SLC16A7: variants seen among roughly 807,000 people sequenced by gnomAD.
SLC16A7 encodes the protein solute carrier family 16 member 7, also known as monocarboxylate transporter 2.
Under a neutral mutation model 34.9 loss-of-function variants are expected in SLC16A7, and 33 were observed. The ratio of observed to expected loss-of-function variants is 0.94; its 90% CI spans 0.72 to 1.26. The LOEUF (loss-of-function observed/expected upper bound fraction) is 1.26, where lower values mean the gene tolerates loss of function less well. Ranked by LOEUF, SLC16A7 falls within the 50% of genes most tolerant of loss-of-function variation. The pLI is 0.00. For synonymous variants in SLC16A7, 201 were observed against 206.6 expected (o/e 0.97, Z 0.23); for missense variants, 573 against 578.1 (o/e 0.99, Z 0.09).
At chr12:59,640,299 C>T (rs1037156180) in intron 1 of SLC16A7, among the ~76,000 whole-genome samples, 1 of 152,050 alleles carries the variant, frequency 6.6e-6, no homozygotes, top group Non-Finnish European at 1.5e-5. Flanking sequence ...GCAATTTACT[C>T]TAATGTTTTT....
chr12:59,778,136 G>T (rs1882944939), intron 5 of SLC16A7, among the ~76,000 whole-genome samples: 2 of 152,214 alleles, frequency 1.3e-5, no homozygotes, highest in South Asian at 4.1e-4. Flanking sequence ...TAGAAAGTAT[G>T]CTGATGTGGC....
chr12:59,605,946 A>G (rs1878918489), intron 1 of SLC16A7, among the ~76,000 whole-genome samples: 1 of 152,226 alleles, frequency 6.6e-6, no homozygotes, highest in Non-Finnish European at 1.5e-5. Flanking sequence ...TTTGGAAATA[A>G]TAAAATTTAT....
chr12:59,601,976 A>G lies in SLC16A7; in HGVS notation c.-130+5740A>G, dbSNP rs370350804. 2.3e-3 allele frequency among the ~76,000 whole-genome samples: 355 copies of G among 152,310 alleles called. 4 individuals carry two copies. The highest frequency in any genetic ancestry group is 8.0e-3 in the African/African-American group (332 of 41,560). ...TAACAATGATCTATCTCTGTTTTCT[A>G]TAAGTCAGTGGCTTTCCCTTAGTCA... On this transcript the variant is annotated intron_variant, in intron 1 of 5. Coordinates refer to ENST00000547379, the MANE Select transcript of SLC16A7 (RefSeq NM_001270623.2).
At chr12:59,623,286 C>A (rs2136983610) in intron 1 of SLC16A7, among the ~76,000 whole-genome samples, 1 of 151,584 alleles carries the variant, frequency 6.6e-6, no homozygotes, top group East Asian at 1.9e-4. Flanking sequence ...GCCATTTGAT[C>A]TTTCATATAA....
chr12:59,684,516 G>A (rs1417125783), intron 2 of SLC16A7, among the ~76,000 whole-genome samples: 2 of 152,160 alleles, frequency 1.3e-5, no homozygotes, highest in Non-Finnish European at 2.9e-5. Context: ...TGGAGTGAAT[G>A]GGGTTGGTAA....
chr12:59,744,335 G>C (rs1040781323), intron 3 of SLC16A7, among the ~76,000 whole-genome samples: 1 of 152,124 alleles, frequency 6.6e-6, no homozygotes, highest in African/African-American at 2.4e-5. Flanking sequence ...AGAGATTATG[G>C]TTGGACGTCA....
chr12:59,745,067 G>A (rs1878748299), intron 3 of SLC16A7, among the ~76,000 whole-genome samples: 1 of 152,122 alleles, frequency 6.6e-6, no homozygotes, highest in Non-Finnish European at 1.5e-5. Flanking sequence ...GGAGTTCAAG[G>A]ATGTCATCAG....
chr12:59,610,233 T>G (rs1879133216), intron 1 of SLC16A7, among the ~76,000 whole-genome samples: 1 of 152,200 alleles, frequency 6.6e-6, no homozygotes, highest in Non-Finnish European at 1.5e-5. Context: ...AAAATCATCA[T>G]ATTTTTAAAT....
intron 3 of SLC16A7, among the ~76,000 whole-genome samples, chr12:59,716,590 G>C (rs958732414): frequency 1.3e-5 from 2 of 152,184 alleles, no homozygotes; most frequent in Non-Finnish European, 2.9e-5. Flanking sequence ...GCTCATGCCT[G>C]TAATCCCAGA....
chr12:59,740,226 G>A (rs1333566681), intron 3 of SLC16A7, among the ~76,000 whole-genome samples: 1 of 151,704 alleles, frequency 6.6e-6, no homozygotes, highest in Admixed American at 6.6e-5. Flanking sequence ...TTTGTATAAG[G>A]TGTAAGGAAG....
At chr12:59,630,498 A>G (rs1216448456) in intron 1 of SLC16A7, among the ~76,000 whole-genome samples, 1 of 151,846 alleles carries the variant, frequency 6.6e-6, no homozygotes, top group East Asian at 1.9e-4. Context: ...GGTTGTTACA[A>G]GTATTGAATG....
intron 2 of SLC16A7, chr12:59,696,326 G>A (rs556590776): frequency 6.6e-6 from 1 of 151,940 alleles, no homozygotes; most frequent in South Asian, 2.1e-4. Context: ...TGATTTAAAG[G>A]CAGTGGCTCT....
At chr12:59,719,904 A>G in intron 3 of SLC16A7, 1 of 521,984 alleles carries the variant, frequency 1.9e-6, no homozygotes, top group Non-Finnish European at 3.3e-6. Flanking sequence ...GTCCACTGGA[A>G]AGTTGGCATT....
intron 1 of SLC16A7, among the ~76,000 whole-genome samples, chr12:59,641,073 C>T (rs1367367774): frequency 1.3e-5 from 2 of 151,986 alleles, no homozygotes; most frequent in African/African-American, 2.4e-5. Flanking sequence ...TAAGCTTTAT[C>T]TATAAATTGG....
At chr12:59,610,620 A>G (rs1457056856) in intron 1 of SLC16A7, among the ~76,000 whole-genome samples, 1 of 152,202 alleles carries the variant, frequency 6.6e-6, no homozygotes, top group Non-Finnish European at 1.5e-5. Flanking sequence ...TTGAAATTCA[A>G]TGTAAGGGTT....
intron 1 of SLC16A7, among the ~76,000 whole-genome samples, chr12:59,623,180 C>G (rs1302822473): frequency 6.6e-6 from 1 of 151,288 alleles, no homozygotes; most frequent in Admixed American, 6.6e-5. Flanking sequence ...CTCTCATGGT[C>G]GAAATCACCA....
At chr12:59,770,126 TTA>T (rs1485773335) in intron 3 of SLC16A7, among the ~76,000 whole-genome samples, 1 of 152,140 alleles carries the variant, frequency 6.6e-6, no homozygotes, top group East Asian at 1.9e-4. Context: ...AAGAACTTTT[TTA>T]GACTTAAATG....
intron 1 of SLC16A7, among the ~76,000 whole-genome samples, chr12:59,632,416 G>A (rs1462518803): frequency 1.3e-5 from 2 of 151,876 alleles, no homozygotes; most frequent in African/African-American, 2.4e-5. Flanking sequence ...TTCCTTTTAT[G>A]GGGGAGGTTT....
intron 3 of SLC16A7, among the ~76,000 whole-genome samples, chr12:59,754,642 G>T (rs1880061490): frequency 6.6e-6 from 1 of 152,068 alleles, no homozygotes. Flanking sequence ...AAGAGTCCAG[G>T]ACCAGATGGA....
Sources: allele counts gnomAD v4.1 joint callset (sites outside exome capture counted in the v4.1 genomes callset), GRCh38; gene constraint gnomAD v4.1.1; transcripts MANE v1.5; gene names NCBI Gene and HGNC (gene_info 2026-07-23, HGNC 2026-07-21).